The following HDAC9 variants were observed in gnomAD, a reference collection of about 807,000 sequenced individuals.
HDAC9 encodes the protein histone deacetylase 9, also known as MEF-2 interacting transcription repressor (MITR) protein.
HDAC9 carries 41 observed loss-of-function variants against 139.4 expected under a neutral mutation model. That is an observed-to-expected ratio of 0.29 (90% confidence interval 0.23 to 0.38). HDAC9 has a LOEUF of 0.38. Ranked by LOEUF, HDAC9 falls within the 10% of genes least tolerant of loss-of-function variation. The pLI is 1.00. For synonymous variants in HDAC9, 517 were observed against 476.2 expected (o/e 1.09, Z -1.12); for missense variants, 1,147 against 1,297.0 (o/e 0.88, Z 1.78).
intron 1 of HDAC9, among the ~76,000 whole-genome samples, chr7:18,343,981 A>T (rs916715302): frequency 2.0e-5 from 3 of 151,834 alleles, no homozygotes; most frequent in African/African-American, 7.2e-5. Flanking sequence ...ACCCAACTGT[A>T]TTGGGTCAGG....
intron 2 of HDAC9, among the ~76,000 whole-genome samples, chr7:18,256,210 G>C (rs1431771679): frequency 6.6e-6 from 1 of 152,126 alleles, no homozygotes; most frequent in African/African-American, 2.4e-5. Context: ...TAGTAATGCT[G>C]TTGCTTAAGC....
At chr7:18,154,227 A>G (rs1237416399) in intron 1 of HDAC9, among the ~76,000 whole-genome samples, 1 of 152,162 alleles carries the variant, frequency 6.6e-6, no homozygotes, top group African/African-American at 2.4e-5. Flanking sequence ...CACGAGTGAA[A>G]GATTAAAGTA....
At chr7:18,973,629 C>A (rs1784382675) in intron 24 of HDAC9, among the ~76,000 whole-genome samples, 1 of 152,158 alleles carries the variant, frequency 6.6e-6, no homozygotes, top group African/African-American at 2.4e-5. Flanking sequence ...AATATTAGAG[C>A]TGGATAGTAT....
chr7:18,163,436 A>G (rs1461766958), intron 2 of HDAC9, among the ~76,000 whole-genome samples: 1 of 152,182 alleles, frequency 6.6e-6, no homozygotes, highest in Non-Finnish European at 1.5e-5. Context: ...GCATGCATTG[A>G]CATCACTCGG....
At chr7:18,702,226 T>C (rs905131591) in intron 12 of HDAC9, among the ~76,000 whole-genome samples, 11 of 152,214 alleles carry the variant, frequency 7.2e-5, no homozygotes, top group Admixed American at 1.3e-4. Context: ...CATCTGCTTT[T>C]TGGAGACCTG....
chr7:18,607,112 A>G (rs544594980), intron 6 of HDAC9, among the ~76,000 whole-genome samples: 92 of 152,372 alleles, frequency 6.0e-4, no homozygotes, highest in Middle Eastern at 3.4e-3. Context: ...TTTCAAATCA[A>G]TGAACAAAAT....
intron 17 of HDAC9, among the ~76,000 whole-genome samples, chr7:18,824,044 G>GGAAGAAGAAGAA (rs1554367872): frequency 0.029 from 1,976 of 67,064 alleles, 50 homozygotes; most frequent in Admixed American, 0.032. Flanking sequence ...AAGAGGAAGA[G>GGAAGAAGAAGAA]GAAGAAGAAG....
chr7:18,865,822 A>C (rs1383679912), intron 21 of HDAC9, among the ~76,000 whole-genome samples: 2 of 152,036 alleles, frequency 1.3e-5, no homozygotes, highest in East Asian at 3.9e-4. Flanking sequence ...AAAGAAATAA[A>C]AGTTTTTGTA....
At chr7:18,637,322 T>C (rs1402361454) in intron 8 of HDAC9, among the ~76,000 whole-genome samples, 1 of 152,062 alleles carries the variant, frequency 6.6e-6, no homozygotes, top group Non-Finnish European at 1.5e-5. Flanking sequence ...TAGTACAACA[T>C]ATTGGAACAA....
At chr7:18,257,144 G>GTA (rs1420268369) in intron 2 of HDAC9, among the ~76,000 whole-genome samples, 9 of 148,272 alleles carry the variant, frequency 6.1e-5, no homozygotes, top group Non-Finnish European at 1.2e-4. Context: ...GTGTGTGTGT[G>GTA]TATAAATATA....
At chr7:18,411,324 A>T (rs1788525897) in intron 1 of HDAC9, among the ~76,000 whole-genome samples, 1 of 152,222 alleles carries the variant, frequency 6.6e-6, no homozygotes, top group Non-Finnish European at 1.5e-5. Context: ...ATACACAATC[A>T]TTCTGTGTTT....
rs145714550 is a variant in HDAC9, at chr7:18,399,431, A to G, written c.-41-96831A>G. On this transcript the variant is annotated intron_variant, in intron 1 of 3. Coordinates refer to the HDAC9 transcript ENST00000413509. ...GGTACGAAAGGAAGAACTAAATTGTATGGAGGTGTTCAGCTAAATTTAGAT... is the reference window on the plus strand; with the variant it reads ...GGTACGAAAGGAAGAACTAAATTGTGTGGAGGTGTTCAGCTAAATTTAGAT... 6.6e-4 allele frequency among the ~76,000 whole-genome samples: 101 copies of G among 152,328 alleles called. 1 individual carries two copies. The East Asian group carries it at 0.016, about 25-fold the overall frequency.
rs952230353 is a variant in HDAC9, at chr7:18,272,251, A to G, written c.25+109902A>G. 3.3e-5 allele frequency among the ~76,000 whole-genome samples: 5 copies of G among 152,168 alleles called. No homozygotes were observed. The East Asian group carries it at 7.7e-4, about 23-fold the overall frequency. On this transcript the variant is annotated intron_variant, in intron 2 of 12. Transcript: ENST00000417496. The stretch of plus-strand genomic sequence containing the variant: ...ACCAGTTGTGCATAGGTGCTTTCCT[A>G]TTTGAAAGCAGCGCATCATTCAGCC...
At chr7:18,777,623 C>T (rs1562934125) in intron 16 of HDAC9, among the ~76,000 whole-genome samples, 1 of 151,950 alleles carries the variant, frequency 6.6e-6, no homozygotes, top group Non-Finnish European at 1.5e-5. Flanking sequence ...TGATCCTCAG[C>T]ATCCTCAATA....
intron 24 of HDAC9, among the ~76,000 whole-genome samples, chr7:18,974,093 T>G (rs907239424): frequency 6.6e-6 from 1 of 152,190 alleles, no homozygotes; most frequent in African/African-American, 2.4e-5. Context: ...TTCCCAGCAG[T>G]TGACGGTCAC....
intron 2 of HDAC9, among the ~76,000 whole-genome samples, chr7:18,244,910 G>C (rs2128192800): frequency 6.6e-6 from 1 of 152,050 alleles, no homozygotes; most frequent in Non-Finnish European, 1.5e-5. Context: ...CTCAGTCTGA[G>C]GATTCCTCCT....
At chr7:18,769,167 A>C (rs1369342018) in intron 16 of HDAC9, among the ~76,000 whole-genome samples, 2 of 152,128 alleles carry the variant, frequency 1.3e-5, no homozygotes, top group Non-Finnish European at 2.9e-5. Flanking sequence ...CCTAGGACTC[A>C]CCTCCCAAAT....
chr7:18,579,776 A>G lies in HDAC9; in HGVS notation c.23-5505A>G, dbSNP rs115279516. Among the ~76,000 whole-genome samples the G allele has an allele frequency of 6.9e-3, 1,052 of 151,574 alleles. 19 individuals are homozygous for G. The highest frequency in any genetic ancestry group is 0.025 in the African/African-American group (1,021 of 41,030). On this transcript the variant is annotated intron_variant, in intron 2 of 25. Coordinates refer to ENST00000686413, the MANE Select transcript of HDAC9 (RefSeq NM_178425.4). ...AATTGGCATATACCAATTTGTGTTG[A>G]GAGTTTTTCCATGCCTGTGTGTGTG...
intron 24 of HDAC9, among the ~76,000 whole-genome samples, chr7:18,967,399 T>G (rs1238783797): frequency 6.6e-6 from 1 of 152,044 alleles, no homozygotes; most frequent in Non-Finnish European, 1.5e-5. Flanking sequence ...ACAGTGTCCT[T>G]AATTGCTTCA....
Sources: gnomAD v4.1 joint callset for allele counts (sites outside exome capture counted in the v4.1 genomes callset) on GRCh38, gnomAD v4.1.1 for gene constraint, MANE v1.5 for transcripts, NCBI Gene and HGNC (gene_info 2026-07-23, HGNC 2026-07-21) for gene names.